DISP3: variants seen among roughly 807,000 people sequenced by gnomAD.
DISP3 encodes dispatched RND transporter family member 3.
DISP3 carries 101 observed loss-of-function variants against 135.3 expected under a neutral mutation model. That is an observed-to-expected ratio of 0.75 (90% confidence interval 0.64 to 0.88). The LOEUF (loss-of-function observed/expected upper bound fraction) is 0.88. DISP3 is among the 40% of genes least tolerant of loss of function. The probability of loss-of-function intolerance (pLI) is 0.00; values close to 1 mark genes in which losing one functional copy is unlikely to be tolerated. For missense variants in DISP3, 1,713 were observed against 1,878.6 expected, an observed-to-expected ratio of 0.91 and a Z score of 1.63; for synonymous variants, 856 against 817.0, an observed-to-expected ratio of 1.05 and a Z score of -0.81.
In DISP3 at chr1:11,483,684, G is replaced by A. The variant is rs539932511; in HGVS notation, c.-4+4312G>A. Among the ~76,000 whole-genome samples the A allele has an allele frequency of 4.6e-5, 7 of 152,164 alleles. No individual in the cohort carries two copies. Among genetic ancestry groups the A allele is most frequent in the African/African-American group, 1.2e-4 (5 of 41,432 alleles). Reference sequence around the variant, plus strand: ...GCCAGACAGGCCAGAAGTGAAGGGCGGTACCCTCACCTGCGTTCATCAGTC... The same window carrying A: ...GCCAGACAGGCCAGAAGTGAAGGGCAGTACCCTCACCTGCGTTCATCAGTC... On this transcript the variant is annotated intron_variant, in intron 1 of 20. Coordinates refer to ENST00000294484, the MANE Select transcript of DISP3 (RefSeq NM_020780.2). The surrounding 1 kb of genome is among the most constrained non-coding windows in gnomAD (Gnocchi z 5.4).
chr1:11,521,836 G>A (rs1324276630), intron 10 of DISP3, among the ~76,000 whole-genome samples: 4 of 152,160 alleles, frequency 2.6e-5, no homozygotes, highest in Non-Finnish European at 5.9e-5. Context: ...ATGGGCTGAA[G>A]TGAGGGGTCT....
intron 18 of DISP3, 47 bp downstream of exon 18, chr1:11,534,587 G>A (rs1395215807): frequency 6.4e-7 from 1 of 1,564,408 alleles, no homozygotes; most frequent in African/African-American, 1.4e-5. Context: ...AGGAGGCAGA[G>A]GGACCTGGGG....
intron 3 of DISP3, among the ~76,000 whole-genome samples, chr1:11,510,788 A>G (rs978326240): frequency 6.6e-6 from 1 of 152,066 alleles, no homozygotes; most frequent in Non-Finnish European, 1.5e-5. Flanking sequence ...GGGCAACATA[A>G]TGAGACCCCA....
chr1:11,499,794 C>T lies in DISP3; in HGVS notation c.-3-1196C>T, dbSNP rs1256370687. ...TCCTTCCGTCACCTCCTCTTGCTTACTTTCTCTGGACTGACGACAGCCTCT... is the reference window on the plus strand; with the variant it reads ...TCCTTCCGTCACCTCCTCTTGCTTATTTTCTCTGGACTGACGACAGCCTCT... On this transcript the variant is annotated intron_variant, in intron 1 of 20. Coordinates refer to ENST00000294484, the MANE Select transcript of DISP3 (RefSeq NM_020780.2). This position sits in a 1 kb window ranked among gnomAD's most constrained non-coding sequence, Gnocchi z 5.2. Among the ~76,000 whole-genome samples, 1 of 152,224 alleles carries T rather than the reference C, an allele frequency of 6.6e-6. No homozygotes were observed. Among genetic ancestry groups the T allele is most frequent in the Non-Finnish European group, 1.5e-5 (1 of 68,036 alleles).
chr1:11,520,309 G>A lies in DISP3; in HGVS notation c.2201-378G>A, dbSNP rs538261882. 2.6e-5 allele frequency among the ~76,000 whole-genome samples: 4 copies of A among 152,314 alleles called. No homozygotes were observed. The East Asian group carries it at 7.7e-4, about 29-fold the overall frequency. On this transcript the variant is annotated intron_variant, in intron 9 of 20. Coordinates refer to ENST00000294484, the MANE Select transcript of DISP3 (RefSeq NM_020780.2). This position sits in a 1 kb window ranked among gnomAD's most constrained non-coding sequence, Gnocchi z 4.8. ...GACCTCAGCCCAGCGCGTGGCGTGC[G>A]GTAAGTGCTCAGTGAATGTCAAGTG...
chr1:11,529,948 A>G lies in DISP3; in HGVS notation c.3091A>G (p.Ile1031Val). 2 of 1,613,030 alleles carry G rather than the reference A, an allele frequency of 1.2e-6. No homozygotes were observed. Among genetic ancestry groups the G allele is most frequent in the Non-Finnish European group, 1.7e-6 (2 of 1,179,982 alleles). The change falls in exon 15 of 21, where the codon ATT becomes GTT. Residue 1031 changes from isoleucine to valine, a missense_variant. Transcript: ENST00000294484. The surrounding 1 kb of genome is among the most constrained non-coding windows in gnomAD (Gnocchi z 4.7). ...NRTRQVDNHV[I>V]GDPGSVVYDS... ...CACTCGGCAGGTGGACAACCACGTC[A>G]TTGGAGACCCGGTACGGGGCATGCG...
intron 17 of DISP3, 26 bp from the exon 18 acceptor site, chr1:11,534,355 T>C (rs747938350): frequency 3.1e-6 from 5 of 1,613,998 alleles, no homozygotes; most frequent in Non-Finnish European, 4.2e-6. Flanking sequence ...CCTGCCTGTC[T>C]CACTAGCTCA....
intron 7 of DISP3, 40 bp downstream of exon 7, chr1:11,517,642 C>T (rs757996341): frequency 6.2e-7 from 1 of 1,606,126 alleles, no homozygotes; most frequent in South Asian, 1.1e-5. Context: ...AGGGTATCCA[C>T]AACAGGCCTC....
chr1:11,524,293 A>C (rs1313932068), intron 11 of DISP3, among the ~76,000 whole-genome samples: 3 of 151,826 alleles, frequency 2.0e-5, no homozygotes, highest in Non-Finnish European at 4.4e-5. Context: ...CTCCCTGTGC[A>C]CCAAAGCCAC....
chr1:11,501,554 G>A lies in DISP3; in HGVS notation c.562G>A (p.Asp188Asn), dbSNP rs1465570317. The change falls in exon 2 of 21, where the codon GAC (aspartate) becomes AAC (asparagine). Residue 188 changes from aspartate to asparagine, a missense_variant. Physicochemically the swap from Asp to Asn is conservative, Grantham distance 23. Coordinates refer to ENST00000294484, the MANE Select transcript of DISP3 (RefSeq NM_020780.2). This position sits in a 1 kb window ranked among gnomAD's most constrained non-coding sequence, Gnocchi z 4.9. ...ACTCGGTGGCCCAGGCCCTTACCGG[G>A]ACACTTCCGCGGCTCAAAAGCCCAC... ...ASLGGPGPYRDTSAAQKPTAN... is the reference protein window; with the variant it reads ...ASLGGPGPYRNTSAAQKPTAN... 1.3e-6 allele frequency: 2 copies of A among 1,589,444 alleles called. No individual in the cohort carries two copies. Among genetic ancestry groups the A allele is most frequent in the East Asian group, 4.5e-5 (2 of 44,480 alleles).
chr1:11,516,093 G>T lies in DISP3; in HGVS notation c.1681G>T (p.Ala561Ser), dbSNP rs1050658457. Residue 561 changes from alanine (A) to serine (S), a missense_variant, in exon 6 of 21, where the codon GCA (alanine) becomes TCA (serine). Around this residue, in one of 2 missense-constraint regions of DISP3, gnomAD observed 1,142 missense variants for 1,384.6 expected, o/e 0.82. Transcript: ENST00000294484. The surrounding 1 kb of genome is among the most constrained non-coding windows in gnomAD (Gnocchi z 5.1). ...QLRMIHTVQTAGKATFFTSLT... is the reference protein window; with the variant it reads ...QLRMIHTVQTSGKATFFTSLT... ...GCGCATGATCCACACCGTCCAAACT[G>T]CAGGCAAGGCCACCTTCTTCACCTC... 5 of 1,614,036 alleles carry T rather than the reference G, an allele frequency of 3.1e-6. No homozygotes were observed. Among genetic ancestry groups the T allele is most frequent in the Non-Finnish European group, 4.2e-6 (5 of 1,180,026 alleles).
intron 1 of DISP3, among the ~76,000 whole-genome samples, chr1:11,484,786 G>A (rs1280883307): frequency 1.3e-5 from 2 of 152,130 alleles, no homozygotes; most frequent in African/African-American, 4.8e-5. Context: ...GGAAGGATTG[G>A]CATGGATTTA....
chr1:11,519,614 G>T lies in DISP3; in HGVS notation c.2039-105G>T. 1 of 1,568,952 alleles carries T rather than the reference G, an allele frequency of 6.4e-7. No individual in the cohort carries two copies. On this transcript the variant is annotated intron_variant, in intron 8 of 20. Coordinates refer to ENST00000294484, the MANE Select transcript of DISP3 (RefSeq NM_020780.2). The surrounding 1 kb of genome is among the most constrained non-coding windows in gnomAD (Gnocchi z 4.3). ...CCTGAGGCTGGGGGCCGGACAAGATGGCCTGTGGGCTTCCTCACCAGGCAT... is the reference window on the plus strand; with the variant it reads ...CCTGAGGCTGGGGGCCGGACAAGATTGCCTGTGGGCTTCCTCACCAGGCAT...
At chr1:11,521,786 G>A (rs1024223031) in intron 10 of DISP3, among the ~76,000 whole-genome samples, 2 of 152,164 alleles carry the variant, frequency 1.3e-5, no homozygotes, top group Non-Finnish European at 2.9e-5. Flanking sequence ...AGAGGCAGCT[G>A]CAGGAACTAA....
Position 11,519,763 on chromosome 1 carries a change from G to C in DISP3, c.2083G>C (p.Glu695Gln). The part of the protein sequence containing the change: ...GDVSLVSVSP[E>Q]GLQPASNTGS... ...CGTGTCCCTGGTGTCTGTGTCCCCC[G>C]AGGGTCTGCAGCCAGCCTCCAACAC... is the stretch of plus-strand genomic sequence containing the variant. The change falls in exon 9 of 21, where the codon GAG (glutamate) becomes CAG (glutamine). Residue 695 changes from glutamate to glutamine, a missense_variant. This residue lies in a region of DISP3 where 1,142 missense variants were observed against 1,384.6 expected (regional missense o/e 0.82). Coordinates refer to ENST00000294484, the MANE Select transcript of DISP3 (RefSeq NM_020780.2). This position sits in a 1 kb window ranked among gnomAD's most constrained non-coding sequence, Gnocchi z 4.3. 6.2e-7 allele frequency: 1 copy of C among 1,613,102 alleles called. No individual in the cohort carries two copies. Among genetic ancestry groups the C allele is most frequent in the Non-Finnish European group, 8.5e-7 (1 of 1,180,004 alleles).
At chr1:11,534,933 T>A in intron 18 of DISP3, 78 bp from the exon 19 acceptor site, 1 of 1,291,964 alleles carries the variant, frequency 7.7e-7, no homozygotes. Flanking sequence ...CTCAGAGAGG[T>A]CAAGGGCTCA....
At chr1:11,534,244 G>A (rs1344419939) in intron 17 of DISP3, 137 bp from the exon 18 acceptor site, 4 of 1,049,114 alleles carry the variant, frequency 3.8e-6, no homozygotes, top group Non-Finnish European at 5.7e-6. Context: ...GACTCATTTT[G>A]GATTGAATCG....
chr1:11,519,466 T>TGATGA lies in DISP3; in HGVS notation c.2002_2006dup (p.Asp669GlufsTer65). 1 of 1,613,756 alleles carries TGATGA rather than the reference T, an allele frequency of 6.2e-7. No homozygotes were observed. Reference sequence around the variant, plus strand: ...CCCAGGGCCCCATACCCTACCTGGATGATGACATCCCCTTGCTGGAGGTCG... The same window carrying TGATGA: ...CCCAGGGCCCCATACCCTACCTGGATGATGAGATGACATCCCCTTGCTGGAGGTCG... On this transcript the variant is annotated frameshift_variant, in exon 8 of 21. Coordinates refer to ENST00000294484, the MANE Select transcript of DISP3 (RefSeq NM_020780.2). LOFTEE classifies it high-confidence loss of function. This position sits in a 1 kb window ranked among gnomAD's most constrained non-coding sequence, Gnocchi z 4.3.
chr1:11,527,419 C>T lies in DISP3; in HGVS notation c.2798+584C>T, dbSNP rs531540867. Among the ~76,000 whole-genome samples the T allele has an allele frequency of 7.8e-3, 1,191 of 152,150 alleles. 13 individuals carry two copies. Among genetic ancestry groups the T allele is most frequent in the African/African-American group, 0.026 (1,083 of 41,544 alleles). On this transcript the variant is annotated intron_variant, in intron 13 of 20. Transcript: ENST00000294484. Reference sequence around the variant, plus strand: ...AAAAAATTAGCCAGGCATGGTGGCACGCACCTGTAATCCCAGCTACTCAGG... The same window carrying T: ...AAAAAATTAGCCAGGCATGGTGGCATGCACCTGTAATCCCAGCTACTCAGG...
Sources: allele counts gnomAD v4.1 joint callset (sites outside exome capture counted in the v4.1 genomes callset), GRCh38; gene constraint gnomAD v4.1.1; regional missense constraint gnomAD v4.1.1; non-coding constraint Gnocchi (gnomAD v3.1); transcripts MANE v1.5; gene names NCBI Gene and HGNC (gene_info 2026-07-23, HGNC 2026-07-21).